NCAM2: variants seen among roughly 807,000 people sequenced by gnomAD.
NCAM2 encodes the protein N-CAM-2.
In NCAM2, 30 loss-of-function variants were observed where a neutral mutation model predicts 98.1. The observed-to-expected ratio is 0.31, with a 90% CI of 0.23 to 0.41. The LOEUF (loss-of-function observed/expected upper bound fraction) is 0.41, where lower values mean the gene tolerates loss of function less well. NCAM2 is among the 10% of genes least tolerant of loss of function. The probability of loss-of-function intolerance (pLI) is 1.00; values close to 1 mark genes in which losing one functional copy is unlikely to be tolerated. For missense variants in NCAM2, 867 were observed against 1,005.8 expected (o/e 0.86, Z 1.87); for synonymous variants, 368 against 342.4 (o/e 1.07, Z -0.83).
At chr21:21,318,531 T>C (rs2074284701) in intron 5 of NCAM2, among the ~76,000 whole-genome samples, 1 of 152,190 alleles carries the variant, frequency 6.6e-6, no homozygotes, top group Non-Finnish European at 1.5e-5. Flanking sequence ...TTAACATTTT[T>C]ATTTTTATGT....
chr21:21,305,869 G>C (rs2073863932), intron 5 of NCAM2, among the ~76,000 whole-genome samples: 1 of 151,930 alleles, frequency 6.6e-6, no homozygotes, highest in Non-Finnish European at 1.5e-5. Flanking sequence ...GTCTTCTAAT[G>C]CATGTATTTA....
intron 1 of NCAM2, among the ~76,000 whole-genome samples, chr21:21,119,418 T>C (rs1280901433): frequency 6.6e-6 from 1 of 152,142 alleles, no homozygotes; most frequent in Non-Finnish European, 1.5e-5. Flanking sequence ...TAATGAAGGA[T>C]TTTTTGCTAT....
intron 1 of NCAM2, among the ~76,000 whole-genome samples, chr21:21,191,986 C>A (rs770853510): frequency 6.6e-6 from 1 of 152,082 alleles, no homozygotes; most frequent in Non-Finnish European, 1.5e-5. Context: ...CTTTGGGAGG[C>A]CGAGGCAGGC....
intron 1 of NCAM2, among the ~76,000 whole-genome samples, chr21:21,073,248 C>T (rs1368206423): frequency 1.3e-5 from 2 of 152,116 alleles, no homozygotes; most frequent in Non-Finnish European, 2.9e-5. Context: ...AAATGCTATT[C>T]ACCAAGACTT....
intron 11 of NCAM2, among the ~76,000 whole-genome samples, chr21:21,425,372 A>AAAATT (rs1363137860): frequency 3.9e-5 from 6 of 152,150 alleles, no homozygotes; most frequent in Admixed American, 6.5e-5. Flanking sequence ...TTTCTGGCTC[A>AAAATT]TAATAGCTCT....
intron 11 of NCAM2, among the ~76,000 whole-genome samples, chr21:21,419,899 T>A (rs1440068578): frequency 6.6e-6 from 1 of 152,032 alleles, no homozygotes; most frequent in Non-Finnish European, 1.5e-5. Context: ...CTGGGTCAAA[T>A]GGTATTTCTA....
rs181084104 is a variant in NCAM2, at chr21:21,296,722, T to C, written c.619+4481T>C. Reference sequence around the variant, plus strand: ...GGGCCTTTACTAAAGGGCAAGGAAATGAAGAGGAAGGCGTACAATAAAACT... The same window carrying C: ...GGGCCTTTACTAAAGGGCAAGGAAACGAAGAGGAAGGCGTACAATAAAACT... On this transcript the variant is annotated intron_variant, in intron 5 of 17. Coordinates refer to ENST00000400546, the MANE Select transcript of NCAM2 (RefSeq NM_004540.5). Among the ~76,000 whole-genome samples, 5 of 151,704 alleles carry C rather than the reference T, an allele frequency of 3.3e-5. No homozygotes were observed. In the Admixed American group the frequency reaches 3.3e-4, roughly 10 times the overall value.
intron 1 of NCAM2, among the ~76,000 whole-genome samples, chr21:21,074,922 G>T (rs751060985): frequency 5.9e-5 from 9 of 152,106 alleles, no homozygotes; most frequent in Non-Finnish European, 1.3e-4. Flanking sequence ...CAATAGCAAA[G>T]ACTTGGAACT....
intron 5 of NCAM2, among the ~76,000 whole-genome samples, chr21:21,318,041 C>T (rs1052029654): frequency 1.3e-5 from 2 of 152,106 alleles, no homozygotes; most frequent in Non-Finnish European, 2.9e-5. Flanking sequence ...TTAGCACAAT[C>T]CAATAGCTGA....
At chr21:21,270,345 T>C (rs1025107826) in intron 1 of NCAM2, among the ~76,000 whole-genome samples, 9 of 152,166 alleles carry the variant, frequency 5.9e-5, no homozygotes, top group East Asian at 3.9e-4. Flanking sequence ...TAAGCACAGA[T>C]TGGTTGACTC....
intron 1 of NCAM2, among the ~76,000 whole-genome samples, chr21:21,200,055 ATGTCTC>A (rs892821581): frequency 2.0e-5 from 3 of 152,064 alleles, no homozygotes; most frequent in African/African-American, 7.2e-5. Context: ...AAGAAAGAAA[ATGTCTC>A]TGTCTCTGTC....
At chr21:21,166,748 G>A (rs146468578) in intron 1 of NCAM2, among the ~76,000 whole-genome samples, 25 of 152,240 alleles carry the variant, frequency 1.6e-4, no homozygotes, top group East Asian at 7.7e-4. Context: ...ACATTGTTAC[G>A]CAGAATGATG....
At chr21:21,535,362 C>G (rs763520072) in intron 17 of NCAM2, among the ~76,000 whole-genome samples, 1 of 152,066 alleles carries the variant, frequency 6.6e-6, no homozygotes, top group Non-Finnish European at 1.5e-5. Flanking sequence ...GGTGGTCACA[C>G]ACTTCTTTAC....
intron 15 of NCAM2, among the ~76,000 whole-genome samples, chr21:21,477,723 G>A (rs1602457319): frequency 1.3e-5 from 2 of 152,228 alleles, no homozygotes; most frequent in South Asian, 4.1e-4. Flanking sequence ...AGAACATAGA[G>A]AGTAAGAGTG....
At chr21:21,442,642 G>C (rs1398315036) in intron 12 of NCAM2, among the ~76,000 whole-genome samples, 1 of 152,092 alleles carries the variant, frequency 6.6e-6, no homozygotes, top group Non-Finnish European at 1.5e-5. Flanking sequence ...ATATTGTGAA[G>C]TCAACAGAGG....
At chr21:21,170,020 G>A (rs926706337) in intron 1 of NCAM2, among the ~76,000 whole-genome samples, 2 of 152,068 alleles carry the variant, frequency 1.3e-5, no homozygotes, top group Non-Finnish European at 2.9e-5. Context: ...AACATTATAT[G>A]TCATTAGAGA....
At chr21:21,197,994 G>T (rs570308641) in intron 1 of NCAM2, among the ~76,000 whole-genome samples, 5 of 152,208 alleles carry the variant, frequency 3.3e-5, no homozygotes, top group Admixed American at 1.3e-4. Context: ...CTCCTCCTCT[G>T]CCAAATTATG....
At chr21:21,304,196 C>G (rs2073812459) in intron 5 of NCAM2, among the ~76,000 whole-genome samples, 1 of 151,868 alleles carries the variant, frequency 6.6e-6, no homozygotes, top group Non-Finnish European at 1.5e-5. Context: ...TATGTTAATA[C>G]TAAGATTTTC....
chr21:21,323,772 G>A (rs753503919), intron 5 of NCAM2, among the ~76,000 whole-genome samples: 4 of 152,076 alleles, frequency 2.6e-5, no homozygotes, highest in Admixed American at 1.3e-4. Context: ...TCTCTGTATG[G>A]CTTATGCAGT....
Sources: allele counts gnomAD v4.1 joint callset (sites outside exome capture counted in the v4.1 genomes callset), GRCh38; gene constraint gnomAD v4.1.1; transcripts MANE v1.5; gene names NCBI Gene and HGNC (gene_info 2026-07-23, HGNC 2026-07-21).